The following PIP4K2A variants were observed in gnomAD, a reference collection of about 807,000 sequenced individuals.
PIP4K2A encodes the protein phosphatidylinositol 5-phosphate 4-kinase type-2 alpha.
PIP4K2A carries 14 observed loss-of-function variants against 42.9 expected under a neutral mutation model. The observed-to-expected ratio is 0.33, with a 90% CI of 0.22 to 0.51. PIP4K2A has a LOEUF of 0.51. Ranked by LOEUF, PIP4K2A falls within the 20% of genes least tolerant of loss-of-function variation. The pLI is 0.97. For missense variants in PIP4K2A, 434 were observed against 519.8 expected, an observed-to-expected ratio of 0.83 and a Z score of 1.61; for synonymous variants, 192 against 192.2, an observed-to-expected ratio of 1.00 and a Z score of 0.01.
chr10:22,662,848 C>T (rs548856658), intron 1 of PIP4K2A, among the ~76,000 whole-genome samples: 19 of 152,314 alleles, frequency 1.2e-4, no homozygotes, highest in African/African-American at 4.3e-4. Context: ...ATAATGTAGC[C>T]AAGCTAGGGG....
intron 7 of PIP4K2A, among the ~76,000 whole-genome samples, chr10:22,542,374 G>C (rs1263247999): frequency 7.4e-6 from 1 of 135,388 alleles, no homozygotes; most frequent in Non-Finnish European, 1.6e-5. Context: ...GAGACTGGGA[G>C]AGAGAGCAAG....
chr10:22,600,745 G>A (rs188579754), intron 3 of PIP4K2A, among the ~76,000 whole-genome samples: 70 of 152,250 alleles, frequency 4.6e-4, no homozygotes, highest in African/African-American at 1.6e-3. Context: ...AGCGAGCACA[G>A]ATGGTCCTCT....
In PIP4K2A at chr10:22,696,844, T is replaced by G. The variant is rs1006716594; in HGVS notation, c.144+17339A>C. ...TTACAAAAGACCCTTAATTTTCTAC[T>G]TAATTCAAGCTTTAAAAAATAAGGA... is the stretch of plus-strand genomic sequence containing the variant. On this transcript the variant is annotated intron_variant, in intron 1 of 9. Transcript: ENST00000376573. Among the ~76,000 whole-genome samples the G allele has an allele frequency of 3.2e-4, 48 of 152,168 alleles. 2 individuals are homozygous for G. The highest frequency in any genetic ancestry group is 8.8e-5 in the Non-Finnish European group (6 of 68,016).
chr10:22,608,064 A>G (rs763052370), intron 2 of PIP4K2A, 41 bp from the exon 3 acceptor site: 3 of 1,336,592 alleles, frequency 2.2e-6, no homozygotes, highest in African/African-American at 2.9e-5. Flanking sequence ...AGAGAGAGTC[A>G]ATCAGACTTG....
At chr10:22,544,515 G>C (rs1006664355) in intron 7 of PIP4K2A, among the ~76,000 whole-genome samples, 3 of 152,110 alleles carry the variant, frequency 2.0e-5, no homozygotes, top group African/African-American at 7.2e-5. Context: ...AGCCTCTCTG[G>C]AGCCAGGCCA....
intron 1 of PIP4K2A, among the ~76,000 whole-genome samples, chr10:22,619,695 C>A (rs2130738088): frequency 6.6e-6 from 1 of 152,218 alleles, no homozygotes; most frequent in African/African-American, 2.4e-5. Context: ...CGTTGGCCTC[C>A]CAAAGTGCTG....
intron 1 of PIP4K2A, among the ~76,000 whole-genome samples, chr10:22,690,301 G>C (rs1455418155): frequency 1.3e-5 from 2 of 152,136 alleles, no homozygotes; most frequent in Non-Finnish European, 2.9e-5. Context: ...AGGTCACACA[G>C]CTAATAAGTG....
At chr10:22,663,470 A>C (rs7922991) in intron 1 of PIP4K2A, among the ~76,000 whole-genome samples, 2,920 of 152,288 alleles carry the variant, frequency 0.019, 105 homozygotes, top group African/African-American at 0.067. Flanking sequence ...CTTTTTTCTA[A>C]TTATAAAAGT....
chr10:22,664,566 C>T (rs1006536010), intron 1 of PIP4K2A, among the ~76,000 whole-genome samples: 5 of 151,464 alleles, frequency 3.3e-5, no homozygotes, highest in African/African-American at 1.2e-4. Flanking sequence ...AAGAAGTTTT[C>T]GCTCTTATGT....
chr10:22,662,484 G>C (rs919991589), intron 1 of PIP4K2A, among the ~76,000 whole-genome samples: 1 of 152,172 alleles, frequency 6.6e-6, no homozygotes, highest in South Asian at 2.1e-4. Context: ...TTGTGCGTAC[G>C]ACAATAGATT....
At chr10:22,692,473 G>A (rs1839892827) in intron 1 of PIP4K2A, among the ~76,000 whole-genome samples, 1 of 152,108 alleles carries the variant, frequency 6.6e-6, no homozygotes, top group Non-Finnish European at 1.5e-5. Context: ...ACAGAAAATT[G>A]TCTAAAATCC....
At chr10:22,539,927 GAGAGGGAGAGAA>G in intron 9 of PIP4K2A, 32 bp downstream of exon 9, 3 of 1,014,368 alleles carry the variant, frequency 3.0e-6, no homozygotes, top group Admixed American at 3.5e-5. Flanking sequence ...GAGAGAGAGA[GAGAGGGAGAGAA>G]AGAGAGAAGG....
intron 4 of PIP4K2A, among the ~76,000 whole-genome samples, chr10:22,590,694 C>T (rs1309923600): frequency 3.9e-5 from 6 of 151,988 alleles, no homozygotes; most frequent in Non-Finnish European, 8.8e-5. Context: ...CAAAACTCCA[C>T]CTCTATAAAA....
intron 1 of PIP4K2A, among the ~76,000 whole-genome samples, chr10:22,683,240 G>T (rs560427825): frequency 2.0e-5 from 3 of 152,214 alleles, no homozygotes; most frequent in African/African-American, 7.2e-5. Context: ...CAACTCTTAT[G>T]AGTTCTGCTC....
chr10:22,676,548 C>T (rs971768937), intron 1 of PIP4K2A, among the ~76,000 whole-genome samples: 3 of 152,134 alleles, frequency 2.0e-5, no homozygotes, highest in Admixed American at 6.5e-5. Flanking sequence ...GAGTCTTCAG[C>T]TGCTACATCA....
intron 1 of PIP4K2A, among the ~76,000 whole-genome samples, chr10:22,676,987 T>C (rs975917134): frequency 4.6e-5 from 7 of 152,242 alleles, no homozygotes; most frequent in South Asian, 2.1e-4. Context: ...ATACTAGAAA[T>C]AGGAGAAGAA....
In PIP4K2A at chr10:22,552,288, G is replaced by T. The variant is rs186381402; in HGVS notation, c.679-1516C>A. Among the ~76,000 whole-genome samples the T allele has an allele frequency of 1.4e-3, 206 of 152,280 alleles. 4 individuals are homozygous for T. Among genetic ancestry groups the T allele is most frequent in the Non-Finnish European group, 2.4e-4 (16 of 68,022 alleles). On this transcript the variant is annotated intron_variant, in intron 6 of 9. Coordinates refer to ENST00000376573, the MANE Select transcript of PIP4K2A (RefSeq NM_005028.5). ...AAAGCAGGATGGGATGTGTATGTAAGATGTAAAGATAAATACTAAGATTCT... is the reference window on the plus strand; with the variant it reads ...AAAGCAGGATGGGATGTGTATGTAATATGTAAAGATAAATACTAAGATTCT...
chr10:22,565,296 G>A (rs1836819304), intron 6 of PIP4K2A, among the ~76,000 whole-genome samples: 1 of 152,208 alleles, frequency 6.6e-6, no homozygotes, highest in African/African-American at 2.4e-5. Context: ...ACTGTTGGGG[G>A]AAGTCAGGGA....
rs553786528 is a variant in PIP4K2A at position 22,664,272 on chromosome 10, C to T, written c.144+49911G>A. Among the ~76,000 whole-genome samples the T allele has an allele frequency of 6.3e-5, 9 of 141,944 alleles. No homozygotes were observed. The South Asian group carries it at 2.0e-3, about 31-fold the overall frequency. The allele number at this position is 141,944 out of a possible 152,430, so 93.1% of individuals were successfully genotyped here. A position where few individuals can be genotyped will look rare whatever the true frequency, so the allele number is the denominator to read the frequency against. On this transcript the variant is annotated intron_variant, in intron 1 of 9. Transcript: ENST00000376573. ...ACACATATATATATACACACACATA[C>T]ACACATACACGAACTATTGTTCAGA...
Sources: gnomAD v4.1 joint callset for allele counts (sites outside exome capture counted in the v4.1 genomes callset) on GRCh38, gnomAD v4.1.1 for gene constraint, MANE v1.5 for transcripts, NCBI Gene and HGNC (gene_info 2026-07-23, HGNC 2026-07-21) for gene names.